LRRC28: variants seen among roughly 807,000 people sequenced by gnomAD.
LRRC28 encodes leucine rich repeat containing 28.
A neutral mutation model predicts 45.7 loss-of-function variants in LRRC28; 39 were observed. That is an observed-to-expected ratio of 0.85 (90% CI 0.66 to 1.12). The LOEUF is 1.12. Among genes scored for constraint, LRRC28 ranks in the 50% most tolerant of loss-of-function variants. The probability of loss-of-function intolerance (pLI) is 0.00; values close to 1 mark genes in which losing one functional copy is unlikely to be tolerated. For synonymous variants in LRRC28, 206 were observed against 178.8 expected (o/e 1.15, Z -1.22); for missense variants, 435 against 438.5 (o/e 0.99, Z 0.07).
intron 8 of LRRC28, among the ~76,000 whole-genome samples, chr15:99,362,331 G>C (rs1281442097): frequency 1.3e-5 from 2 of 152,166 alleles, no homozygotes; most frequent in Non-Finnish European, 2.9e-5. Flanking sequence ...AAGTGTTATT[G>C]ATGAGTCTGG....
intron 7 of LRRC28, among the ~76,000 whole-genome samples, chr15:99,359,704 G>A (rs1018812395): frequency 6.6e-6 from 1 of 152,178 alleles, no homozygotes; most frequent in African/African-American, 2.4e-5. Context: ...TAGTAGGAGA[G>A]AAAACATTGA....
intron 5 of LRRC28, among the ~76,000 whole-genome samples, chr15:99,296,428 C>T (rs1301883628): frequency 1.3e-5 from 2 of 152,184 alleles, no homozygotes; most frequent in Non-Finnish European, 2.9e-5. Flanking sequence ...CCCCACGTTA[C>T]CCTCCTTAGG....
intron 9 of LRRC28, among the ~76,000 whole-genome samples, chr15:99,375,360 T>G (rs1441992408): frequency 6.6e-6 from 1 of 152,212 alleles, no homozygotes; most frequent in Admixed American, 6.5e-5. Flanking sequence ...GTACATTTCT[T>G]TAATTTGTTA....
At chr15:99,345,695 T>A (rs1164586836) in intron 6 of LRRC28, among the ~76,000 whole-genome samples, 2 of 152,242 alleles carry the variant, frequency 1.3e-5, no homozygotes, top group Non-Finnish European at 2.9e-5. Flanking sequence ...AATAGATATG[T>A]CCATGCATGT....
chr15:99,362,348 A>G (rs1023969391), intron 8 of LRRC28, among the ~76,000 whole-genome samples: 1 of 152,252 alleles, frequency 6.6e-6, no homozygotes, highest in Admixed American at 6.5e-5. Context: ...CTGGACAGAT[A>G]TAAAAGGTAA....
At chr15:99,293,613 A>C (rs1331685874) in intron 5 of LRRC28, among the ~76,000 whole-genome samples, 4 of 140,878 alleles carry the variant, frequency 2.8e-5, no homozygotes, top group African/African-American at 8.0e-5. Context: ...AAAAAAAAAA[A>C]AAAAAAAAAA....
At position 99,280,378 on chromosome 15, in the gene LRRC28, G is replaced by A. The variant is rs556354656; in HGVS notation, c.209+3762G>A. On this transcript the variant is annotated intron_variant, in intron 3 of 9. Coordinates refer to ENST00000301981, the MANE Select transcript of LRRC28 (RefSeq NM_144598.5). ...CTAAAAACTCTGTGTCTAGCCCTAG[G>A]TCCCAAAGACTCTCTCCTTTCCCCG... is the stretch of plus-strand genomic sequence containing the variant. 2.0e-5 allele frequency among the ~76,000 whole-genome samples: 3 copies of A among 151,906 alleles called. No individual in the cohort carries two copies. The South Asian group carries it at 6.2e-4, about 32-fold the overall frequency.
intron 5 of LRRC28, among the ~76,000 whole-genome samples, chr15:99,294,866 G>C (rs961486097): frequency 1.3e-5 from 2 of 152,164 alleles, no homozygotes; most frequent in African/African-American, 2.4e-5. Flanking sequence ...GCATCTTTCA[G>C]GTGCTTCACT....
chr15:99,351,701 A>G (rs1802326800), intron 6 of LRRC28, among the ~76,000 whole-genome samples: 1 of 152,170 alleles, frequency 6.6e-6, no homozygotes, highest in South Asian at 2.1e-4. Flanking sequence ...AGACACAGGA[A>G]ATCTCTGTAT....
intron 9 of LRRC28, 36 bp from the exon 10 acceptor site, chr15:99,385,994 C>A (rs760904725): frequency 5.1e-6 from 8 of 1,584,126 alleles, no homozygotes; most frequent in Non-Finnish European, 6.9e-6. Flanking sequence ...TAATCTTGAA[C>A]TCACAGCGTT....
At chr15:99,339,432 TAAAA>T (rs1225556730) in intron 6 of LRRC28, among the ~76,000 whole-genome samples, 2 of 152,020 alleles carry the variant, frequency 1.3e-5, no homozygotes, top group Admixed American at 6.6e-5. Context: ...AATGTTAACT[TAAAA>T]AAACAGTGAT....
chr15:99,273,549 T>A (rs2081540718), intron 2 of LRRC28, among the ~76,000 whole-genome samples: 1 of 150,032 alleles, frequency 6.7e-6, no homozygotes, highest in Admixed American at 6.6e-5. Context: ...GTCTGTGTGT[T>A]TTAAGGCGTT....
chr15:99,271,884 C>T (rs1433617595), intron 2 of LRRC28, among the ~76,000 whole-genome samples: 1 of 152,176 alleles, frequency 6.6e-6, no homozygotes, highest in Admixed American at 6.5e-5. Flanking sequence ...CAGGCTTGAG[C>T]CACTGCACCT....
intron 7 of LRRC28, chr15:99,355,437 A>G (rs1957018696): frequency 6.6e-6 from 1 of 152,262 alleles, no homozygotes; most frequent in African/African-American, 2.4e-5. Context: ...AGGTGACTAC[A>G]TGGAGAGTGA....
intron 6 of LRRC28, among the ~76,000 whole-genome samples, chr15:99,342,964 G>A (rs547677671): frequency 1.3e-5 from 2 of 152,320 alleles, no homozygotes; most frequent in African/African-American, 4.8e-5. Flanking sequence ...CTCTGAGAAA[G>A]TGGTTGAAGG....
chr15:99,287,197 C>A (rs1171358890), intron 3 of LRRC28, 60 bp from the exon 4 acceptor site: 7 of 1,414,364 alleles, frequency 4.9e-6, no homozygotes, highest in Middle Eastern at 1.7e-4. Flanking sequence ...ATTTTATAAA[C>A]TGATTATCTG....
rs555605034 is a variant in LRRC28, at chr15:99,387,139, C to G, written c.*1037C>G. 1 of 150,548 alleles carries G rather than the reference C, an allele frequency of 6.6e-6. No individual in the cohort carries two copies. The highest frequency in any genetic ancestry group is 6.6e-5 in the Admixed American group (1 of 15,086). The allele number at this position is 150,548 out of a possible 1,614,324, so 9.3% of individuals were successfully genotyped here. ...GCAGTGGCGGGATCTCGGCTCACTG[C>G]AAGCTCCGCCTCCCGGGTTCACGCC... On this transcript the variant is annotated 3_prime_UTR_variant, in exon 10 of 10. Coordinates refer to ENST00000301981, the MANE Select transcript of LRRC28 (RefSeq NM_144598.5).
At chr15:99,260,253 G>A (rs1461830169) in intron 2 of LRRC28, among the ~76,000 whole-genome samples, 1 of 151,996 alleles carries the variant, frequency 6.6e-6, no homozygotes, top group Non-Finnish European at 1.5e-5. Context: ...GTAAAATCTT[G>A]TCATGTATAA....
chr15:99,266,457 A>G (rs1351163573), intron 2 of LRRC28, among the ~76,000 whole-genome samples: 7 of 151,436 alleles, frequency 4.6e-5, no homozygotes. Flanking sequence ...TGGGCAACAT[A>G]GTGAGACCTT....
Sources: gnomAD v4.1 joint callset for allele counts (sites outside exome capture counted in the v4.1 genomes callset) on GRCh38, gnomAD v4.1.1 for gene constraint, MANE v1.5 for transcripts, NCBI Gene and HGNC (gene_info 2026-07-23, HGNC 2026-07-21) for gene names.